SV2C: variants seen among roughly 807,000 people sequenced by gnomAD.
SV2C encodes solute carrier family 22 member B3.
In SV2C, 49 loss-of-function variants were observed where a neutral mutation model predicts 79.7. That is an observed-to-expected ratio of 0.61 (90% CI 0.49 to 0.78). SV2C has a LOEUF of 0.78. SV2C is among the 30% of genes least tolerant of loss of function. SV2C has a pLI of 0.00. For missense variants in SV2C, 833 were observed against 912.9 expected, an observed-to-expected ratio of 0.91 and a Z score of 1.13; for synonymous variants, 334 against 333.2, an observed-to-expected ratio of 1.00 and a Z score of -0.03.
the SV2C span, among the ~76,000 whole-genome samples, chr5:75,871,278 A>G: frequency 1.3e-5 from 2 of 152,220 alleles, no homozygotes; most frequent in Non-Finnish European, 2.9e-5. Flanking sequence ...AGTGAACATC[A>G]TGCCCAACAG....
At chr5:75,881,549 C>G in the SV2C span, among the ~76,000 whole-genome samples, 5 of 152,016 alleles carry the variant, frequency 3.3e-5, no homozygotes, top group Admixed American at 2.0e-4. Context: ...ATTTTATTCT[C>G]TTTGAAGCAA....
chr5:76,047,685 G>C, the SV2C span, among the ~76,000 whole-genome samples: 1 of 151,294 alleles, frequency 6.6e-6, no homozygotes, highest in African/African-American at 2.4e-5. Flanking sequence ...ACAAGGTCTA[G>C]ATAGAAAAAA....
the SV2C span, among the ~76,000 whole-genome samples, chr5:75,993,009 T>C: frequency 6.6e-6 from 1 of 152,024 alleles, no homozygotes; most frequent in Non-Finnish European, 1.5e-5. Context: ...TAATCCAAAC[T>C]TAAAGAGTAT....
At chr5:76,238,091 T>G (rs1443069457) in intron 4 of SV2C, among the ~76,000 whole-genome samples, 7 of 151,268 alleles carry the variant, frequency 4.6e-5, no homozygotes, top group East Asian at 1.9e-4. Flanking sequence ...CACCATTTTT[T>G]TTGTTGTTGT....
the SV2C span, among the ~76,000 whole-genome samples, chr5:75,913,636 C>T: frequency 6.6e-6 from 1 of 152,154 alleles, no homozygotes; most frequent in Admixed American, 6.5e-5. Context: ...AGGGATGCTC[C>T]TACTGAACAT....
the SV2C span, among the ~76,000 whole-genome samples, chr5:76,041,159 G>A: frequency 7.2e-5 from 11 of 152,130 alleles, no homozygotes; most frequent in African/African-American, 2.7e-4. Flanking sequence ...CCCACATTCT[G>A]TTTGTGCAAC....
chr5:76,316,061 A>G (rs1298195655), intron 12 of SV2C, among the ~76,000 whole-genome samples: 2 of 152,252 alleles, frequency 1.3e-5, no homozygotes, highest in African/African-American at 2.4e-5. Flanking sequence ...TAATGGTTCC[A>G]TGCTAAATAA....
intron 2 of SV2C, among the ~76,000 whole-genome samples, chr5:76,150,760 C>G (rs1036953015): frequency 1.3e-5 from 2 of 149,892 alleles, no homozygotes; most frequent in African/African-American, 4.9e-5. Context: ...ACCTCAGCCT[C>G]CTGAGTAGCT....
the SV2C span, among the ~76,000 whole-genome samples, chr5:75,910,058 A>G: frequency 6.6e-6 from 1 of 152,240 alleles, no homozygotes; most frequent in Admixed American, 6.5e-5. Context: ...CAGACACTCC[A>G]TAAATACTTG....
chr5:76,089,070 T>C (rs1747288915), intron 1 of SV2C, among the ~76,000 whole-genome samples: 1 of 152,196 alleles, frequency 6.6e-6, no homozygotes, highest in Non-Finnish European at 1.5e-5. Context: ...ATGTGCAGGT[T>C]TGTAACATAG....
At chr5:76,148,915 G>A (rs1428758195) in intron 2 of SV2C, among the ~76,000 whole-genome samples, 2 of 152,164 alleles carry the variant, frequency 1.3e-5, no homozygotes, top group South Asian at 2.1e-4. Flanking sequence ...TCTTTGAATG[G>A]CCTTCAAAAC....
At chr5:75,935,672 G>A in the SV2C span, among the ~76,000 whole-genome samples, 70,213 of 151,882 alleles carry the variant, frequency 0.46, 16,621 homozygotes, top group East Asian at 0.6. Flanking sequence ...AGCAAGTTGC[G>A]AACGAATAAA....
chr5:76,168,726 G>A (rs576536300), intron 2 of SV2C, among the ~76,000 whole-genome samples: 4 of 152,022 alleles, frequency 2.6e-5, no homozygotes, highest in Non-Finnish European at 4.4e-5. Flanking sequence ...AGATTTTCTC[G>A]TAAAATATAA....
intron 12 of SV2C, among the ~76,000 whole-genome samples, chr5:76,318,630 C>T (rs1472243355): frequency 1.3e-5 from 2 of 152,030 alleles, no homozygotes; most frequent in Admixed American, 1.3e-4. Flanking sequence ...GGAGAGCCAC[C>T]TTAATGGAAT....
chr5:76,163,658 C>T (rs571036372), intron 2 of SV2C, among the ~76,000 whole-genome samples: 2 of 152,284 alleles, frequency 1.3e-5, no homozygotes, highest in African/African-American at 2.4e-5. Context: ...CCCTTCTCCT[C>T]TTTGAGGTCT....
At chr5:76,082,674 G>A (rs1747035089), upstream of SV2C, among the ~76,000 whole-genome samples, 1 of 143,882 alleles carries the variant, frequency 7.0e-6, no homozygotes, top group East Asian at 2.4e-4. Context: ...CCTCTAAGGG[G>A]CCACTTTCAA....
At chr5:76,214,162 T>A (rs1014583047) in intron 4 of SV2C, among the ~76,000 whole-genome samples, 2 of 152,246 alleles carry the variant, frequency 1.3e-5, no homozygotes, top group Non-Finnish European at 1.5e-5. Context: ...GTTTTATAGT[T>A]CTGAACTTAC....
At chr5:76,005,611 C>T in the SV2C span, among the ~76,000 whole-genome samples, 64 of 152,198 alleles carry the variant, frequency 4.2e-4, 1 homozygote, top group East Asian at 2.3e-3. Flanking sequence ...GTGGCTGTAG[C>T]GGAATAAATT....
chr5:76,342,882 C>G (rs983101716), intron 12 of SV2C, among the ~76,000 whole-genome samples: 1 of 132,626 alleles, frequency 7.5e-6, no homozygotes, highest in South Asian at 2.8e-4. Flanking sequence ...GTCTCTCTCT[C>G]TCTCTTTTTT....
Sources: allele counts gnomAD v4.1 joint callset (sites outside exome capture counted in the v4.1 genomes callset), GRCh38; gene constraint gnomAD v4.1.1; transcripts MANE v1.5; gene names NCBI Gene and HGNC (gene_info 2026-07-23, HGNC 2026-07-21).